The following SLC28A3 variants were observed in gnomAD, a reference collection of about 807,000 sequenced individuals.
SLC28A3 encodes the protein solute carrier family 28 member 3.
SLC28A3 carries 68 observed loss-of-function variants against 84.2 expected under a neutral mutation model. That is an observed-to-expected ratio of 0.81 (90% confidence interval 0.66 to 0.99). SLC28A3 has a LOEUF of 0.99. SLC28A3 is among the 50% of genes least tolerant of loss of function. The pLI is 0.00. For synonymous variants in SLC28A3, 267 were observed against 303.6 expected, an observed-to-expected ratio of 0.88 and a Z score of 1.25; for missense variants, 712 against 841.5, an observed-to-expected ratio of 0.85 and a Z score of 1.90.
chr9:84,327,808 C>A (rs564291356), intron 1 of SLC28A3, among the ~76,000 whole-genome samples: 1 of 150,848 alleles, frequency 6.6e-6, no homozygotes, highest in African/African-American at 2.4e-5. Flanking sequence ...ATCCCAGCTA[C>A]TAGGGAGGCT....
chr9:84,320,027 C>G (rs143160691), intron 1 of SLC28A3, among the ~76,000 whole-genome samples: 1,735 of 143,396 alleles, frequency 0.012, 42 homozygotes, highest in African/African-American at 0.046. Flanking sequence ...CTCATTCCAG[C>G]CTGGCTTGCA....
chr9:84,282,606 G>C (rs1314082489), intron 14 of SLC28A3, among the ~76,000 whole-genome samples: 1 of 152,148 alleles, frequency 6.6e-6, no homozygotes, highest in African/African-American at 2.4e-5. Context: ...GAAAGCAAGG[G>C]CGTGGCCCTG....
chr9:84,282,797 A>G (rs1274976981), intron 14 of SLC28A3, among the ~76,000 whole-genome samples: 1 of 152,190 alleles, frequency 6.6e-6, no homozygotes, highest in East Asian at 1.9e-4. Flanking sequence ...ATTTTGTTCA[A>G]AGAACAAACC....
the SLC28A3 span, among the ~76,000 whole-genome samples, chr9:84,350,394 T>C: frequency 1.3e-5 from 2 of 151,944 alleles, no homozygotes; most frequent in African/African-American, 4.8e-5. Context: ...TGAGCCAAGA[T>C]TGCGTCATTG....
the SLC28A3 span, among the ~76,000 whole-genome samples, chr9:84,356,756 G>A: frequency 1.3e-5 from 2 of 151,926 alleles, no homozygotes; most frequent in African/African-American, 4.8e-5. Flanking sequence ...ACTTGAACCC[G>A]GGAAGCAGAG....
chr9:84,307,445 A>AGCAAAAAAAG (rs1554726630), intron 3 of SLC28A3, among the ~76,000 whole-genome samples: 2 of 146,376 alleles, frequency 1.4e-5, no homozygotes, highest in Non-Finnish European at 3.0e-5. Context: ...AAAAAAAAAA[A>AGCAAAAAAAG]CAAAAACAAA....
chr9:84,307,923 G>A (rs1489071375), intron 3 of SLC28A3, among the ~76,000 whole-genome samples: 2 of 152,174 alleles, frequency 1.3e-5, no homozygotes, highest in African/African-American at 4.8e-5. Flanking sequence ...AGTGAAACCT[G>A]AGTACCTCTG....
At chr9:84,316,398 A>T (rs1826170876) in intron 1 of SLC28A3, among the ~76,000 whole-genome samples, 1 of 152,228 alleles carries the variant, frequency 6.6e-6, no homozygotes, top group South Asian at 2.1e-4. Context: ...TGTTGGGGGC[A>T]GCTCGGGGAA....
At chr9:84,336,060 TA>T (rs2118613591) in intron 1 of SLC28A3, among the ~76,000 whole-genome samples, 1 of 135,776 alleles carries the variant, frequency 7.4e-6, no homozygotes, top group South Asian at 2.6e-4. Context: ...GCCACCAAAG[TA>T]ATATTAAAAA....
At chr9:84,345,151 T>C (rs12351012), upstream of SLC28A3, among the ~76,000 whole-genome samples, 8,188 of 152,130 alleles carry the variant, frequency 0.054, 446 homozygotes, top group East Asian at 0.17. Context: ...CTTTCGTGCT[T>C]CTTATTGATG....
chr9:84,354,734 C>A, the SLC28A3 span, among the ~76,000 whole-genome samples: 10 of 152,104 alleles, frequency 6.6e-5, no homozygotes, highest in Middle Eastern at 3.4e-3. Flanking sequence ...GTAATCCCAG[C>A]TACTCGAAAG....
chr9:84,321,698 C>A (rs1826383713), intron 1 of SLC28A3, among the ~76,000 whole-genome samples: 3 of 139,612 alleles, frequency 2.1e-5, no homozygotes, highest in African/African-American at 8.2e-5. Context: ...TGCGCCACTG[C>A]ACTCTAGCCT....
upstream of SLC28A3, among the ~76,000 whole-genome samples, chr9:84,341,163 G>T (rs929684506): frequency 2.4e-4 from 37 of 151,976 alleles, no homozygotes; most frequent in Non-Finnish European, 4.6e-4. Flanking sequence ...TAGAGACGGG[G>T]TTTCACCATG....
chr9:84,325,440 G>A (rs1033526635), intron 1 of SLC28A3, among the ~76,000 whole-genome samples: 1 of 152,186 alleles, frequency 6.6e-6, no homozygotes, highest in African/African-American at 2.4e-5. Context: ...CATTTGAAAT[G>A]TTCGGAAGAT....
At chr9:84,318,909 C>T (rs903348182) in intron 1 of SLC28A3, among the ~76,000 whole-genome samples, 3 of 151,816 alleles carry the variant, frequency 2.0e-5, no homozygotes, top group Non-Finnish European at 2.9e-5. Context: ...TTTCCATGAG[C>T]TTTCTTGAAG....
chr9:84,348,484 A>G, the SLC28A3 span, among the ~76,000 whole-genome samples: 2 of 152,204 alleles, frequency 1.3e-5, no homozygotes, highest in Non-Finnish European at 2.9e-5. Flanking sequence ...TGCTGCCTGC[A>G]AAATGAGGTT....
chr9:84,298,168 G>C, intron 6 of SLC28A3, 149 bp from the exon 7 acceptor site: 1 of 664,508 alleles, frequency 1.5e-6, no homozygotes, highest in Non-Finnish European at 2.6e-6. Context: ...GTCATAAGCA[G>C]AGAACCCTTT....
chr9:84,294,606 C>T (rs1825348773), intron 8 of SLC28A3, among the ~76,000 whole-genome samples: 1 of 152,136 alleles, frequency 6.6e-6, no homozygotes, highest in Non-Finnish European at 1.5e-5. Context: ...ATGGGCTTCA[C>T]CACTAGTTAG....
chr9:84,323,315 A>T (rs1292874601), intron 1 of SLC28A3, among the ~76,000 whole-genome samples: 1 of 152,226 alleles, frequency 6.6e-6, no homozygotes, highest in African/African-American at 2.4e-5. Context: ...GGTATAGAGA[A>T]ATAGATGAGT....
Sources: allele counts gnomAD v4.1 joint callset (sites outside exome capture counted in the v4.1 genomes callset), GRCh38; gene constraint gnomAD v4.1.1; transcripts MANE v1.5; gene names NCBI Gene and HGNC (gene_info 2026-07-23, HGNC 2026-07-21).